Variants in ANKRD33B observed in about 807,000 individuals in gnomAD.
ANKRD33B encodes ankyrin repeat domain 33B.
ANKRD33B carries 6 observed loss-of-function variants against 21.5 expected under a neutral mutation model. That is an observed-to-expected ratio of 0.28 (90% CI 0.15 to 0.55). The LOEUF (loss-of-function observed/expected upper bound fraction) is 0.55. ANKRD33B is among the 20% of genes least tolerant of loss of function. ANKRD33B has a pLI of 0.94. For missense variants in ANKRD33B, 698 were observed against 747.2 expected, an observed-to-expected ratio of 0.93 and a Z score of 0.77; for synonymous variants, 347 against 342.4, an observed-to-expected ratio of 1.01 and a Z score of -0.15.
In ANKRD33B at chr5:10,655,269, G is replaced by A. The variant is rs551778273; in HGVS notation, c.*5156G>A. On this transcript the variant is annotated 3_prime_UTR_variant, in exon 4 of 4. Transcript: ENST00000296657. ...GCCCCTGGCATAGGGCCAGACCCTAGGCCTGAAAAGGATGCAAAGCCTGCT... is the reference window on the plus strand; with the variant it reads ...GCCCCTGGCATAGGGCCAGACCCTAAGCCTGAAAAGGATGCAAAGCCTGCT... The A allele has an allele frequency of 6.6e-6, 1 of 152,520 alleles. No individual in the cohort carries two copies. The highest frequency in any genetic ancestry group is 2.1e-4 in the South Asian group (1 of 4,824). The allele number at this position is 152,520 out of a possible 1,614,324, so 9.4% of individuals were successfully genotyped here.
chr5:10,649,742 G>A lies in ANKRD33B; in HGVS notation c.1114G>A (p.Gly372Arg), dbSNP rs114562258. 3.9e-3 allele frequency: 5,777 copies of A among 1,464,236 alleles called. 187 individuals carry two copies. In the African/African-American group the frequency reaches 0.071, roughly 18 times the overall value. 90.7% of individuals were successfully genotyped at this position (1,464,236 alleles called of 1,614,324 possible). Residue 372 changes from glycine to arginine, a missense_variant, in exon 4 of 4, where the codon GGA becomes AGA. Physicochemically the swap from Gly to Arg is moderately radical, Grantham distance 125. Coordinates refer to ENST00000296657, the MANE Select transcript of ANKRD33B (RefSeq NM_001164440.2). Reference protein sequence around the residue: ...VGGAGQRGRTGQEDADSREGS... With the variant: ...VGGAGQRGRTRQEDADSREGS... ...GGGCGCGGGGCAGCGCGGGCGGACC[G>A]GACAGGAGGACGCGGACTCCCGGGA...
At chr5:10,627,346 C>CT (rs1181024663) in intron 2 of ANKRD33B, 1 of 152,240 alleles carries the variant, frequency 6.6e-6, no homozygotes, top group African/African-American at 2.4e-5. Flanking sequence ...CGCCAGGGGT[C>CT]TCTTTGAGCT....
intron 2 of ANKRD33B, among the ~76,000 whole-genome samples, chr5:10,621,987 C>T (rs148246342): frequency 1.3e-5 from 2 of 152,324 alleles, no homozygotes; most frequent in East Asian, 3.9e-4. Context: ...TGTAAGGACA[C>T]AGTGAGAAGA....
rs1294617086 is a variant in ANKRD33B at position 10,619,800 on chromosome 5, G to A, written c.496+1338G>A. On this transcript the variant is annotated intron_variant, in intron 2 of 3. Coordinates refer to ENST00000296657, the MANE Select transcript of ANKRD33B (RefSeq NM_001164440.2). The surrounding 1 kb of genome is among the most constrained non-coding windows in gnomAD (Gnocchi z 4.5). ...CAGGGACCAAGGATACAGAAGTGCA[G>A]GGCAGCCCCGTCCTTGAGTAATTCT... Among the ~76,000 whole-genome samples, 1 of 152,176 alleles carries A rather than the reference G, an allele frequency of 6.6e-6. No homozygotes were observed. Among genetic ancestry groups the A allele is most frequent in the Non-Finnish European group, 1.5e-5 (1 of 68,032 alleles).
rs992103832 is a variant in ANKRD33B, at chr5:10,564,264, C to G, written c.-204C>G. 2 of 197,600 alleles carry G rather than the reference C, an allele frequency of 1.0e-5. No homozygotes were observed. Among genetic ancestry groups the G allele is most frequent in the African/African-American group, 4.7e-5 (2 of 42,226 alleles). 12.2% of individuals were successfully genotyped at this position (197,600 alleles called of 1,614,324 possible). On this transcript the variant is annotated 5_prime_UTR_variant, in exon 1 of 4. Transcript: ENST00000296657. The stretch of plus-strand genomic sequence containing the variant: ...CCCGCCTCGGAAAGCCCCCGCGGTC[C>G]CGCCCACCCCAGGGGCTCGCTCAGC...
intron 3 of ANKRD33B, among the ~76,000 whole-genome samples, chr5:10,643,755 G>A (rs1212623253): frequency 1.3e-5 from 2 of 151,160 alleles, no homozygotes; most frequent in African/African-American, 2.4e-5. Flanking sequence ...AGGAGGCGGA[G>A]GTTGCAGTGA....
chr5:10,639,257 C>T (rs13186647), intron 3 of ANKRD33B, among the ~76,000 whole-genome samples: 1 of 7,360 alleles, frequency 1.4e-4, no homozygotes, highest in Non-Finnish European at 2.9e-4. Flanking sequence ...CGATGTTAGG[C>T]GGTGACGTGG....
intron 1 of ANKRD33B, among the ~76,000 whole-genome samples, chr5:10,569,963 G>A (rs973861597): frequency 1.3e-5 from 2 of 152,172 alleles, no homozygotes; most frequent in Non-Finnish European, 2.9e-5. Context: ...TGCAACCTCC[G>A]TCTCCCAGGT....
intron 1 of ANKRD33B, among the ~76,000 whole-genome samples, chr5:10,565,937 C>T (rs1735043358): frequency 6.6e-6 from 1 of 152,180 alleles, no homozygotes; most frequent in Non-Finnish European, 1.5e-5. Context: ...GACCTTGTGC[C>T]TTTGGTTTAT....
At chr5:10,618,642 T>C (rs766571513) in intron 2 of ANKRD33B, among the ~76,000 whole-genome samples, 180 bp downstream of exon 2, 12 of 152,224 alleles carry the variant, frequency 7.9e-5, no homozygotes, top group Non-Finnish European at 1.5e-4. Flanking sequence ...ACCCACTTGT[T>C]CAGAATTCAG....
At chr5:10,582,820 T>C (rs1328302785) in intron 1 of ANKRD33B, among the ~76,000 whole-genome samples, 34 of 152,166 alleles carry the variant, frequency 2.2e-4, no homozygotes, top group Non-Finnish European at 2.9e-5. Context: ...CTCATCGCAG[T>C]TCGCAACTTG....
At chr5:10,593,680 G>T (rs780034116) in intron 1 of ANKRD33B, among the ~76,000 whole-genome samples, 4 of 151,648 alleles carry the variant, frequency 2.6e-5, no homozygotes, top group Non-Finnish European at 5.9e-5. Context: ...CTCCTCCCGG[G>T]CAGGGGGGCT....
chr5:10,567,903 C>G (rs968482094), intron 1 of ANKRD33B, among the ~76,000 whole-genome samples: 81 of 152,258 alleles, frequency 5.3e-4, no homozygotes, highest in African/African-American at 1.9e-3. Flanking sequence ...GACAGAATGA[C>G]AGCTCACAGA....
In ANKRD33B at chr5:10,583,332, G is replaced by A. The variant is rs916811991; in HGVS notation, c.366+18499G>A. ...GCTTTTTGAACATGATTCAAGTATC[G>A]TGCCCTGTTGCCAGTTACATATACT... On this transcript the variant is annotated intron_variant, in intron 1 of 3. Coordinates refer to ENST00000296657, the MANE Select transcript of ANKRD33B (RefSeq NM_001164440.2). Among the ~76,000 whole-genome samples, 6 of 152,146 alleles carry A rather than the reference G, an allele frequency of 3.9e-5. No homozygotes were observed. The East Asian group carries it at 5.8e-4, about 15-fold the overall frequency.
rs540376214 is a variant in ANKRD33B at position 10,653,726 on chromosome 5, C to A, written c.*3613C>A. The A allele has an allele frequency of 2.0e-5, 3 of 152,402 alleles. No homozygotes were observed. The highest frequency in any genetic ancestry group is 6.5e-5 in the Admixed American group (1 of 15,282). 9.4% of individuals were successfully genotyped at this position (152,402 alleles called of 1,614,324 possible). ...GGGAGGTGCAGGCTTCTTGTCCCAT[C>A]CCCACTCAGTATCATCGGGTATCTG... On this transcript the variant is annotated 3_prime_UTR_variant, in exon 4 of 4. Transcript: ENST00000296657.
Position 10,649,825 on chromosome 5 carries a change from C to T in ANKRD33B, c.1197C>T (p.Pro399=), listed in dbSNP as rs1343097178. 11 of 1,388,346 alleles carry T rather than the reference C, an allele frequency of 7.9e-6. No homozygotes were observed. The East Asian group carries it at 9.5e-5, about 12-fold the overall frequency. 86.0% of individuals were successfully genotyped at this position (1,388,346 alleles called of 1,614,324 possible). A position where few individuals can be genotyped will look rare whatever the true frequency, so the allele number is the denominator to read the frequency against. ...TGGGGTCCCGGGGCCCCGCAGCGCCCGCCCCGCGGAAGGCCAGCCTCCTGC... is the reference window on the plus strand; with the variant it reads ...TGGGGTCCCGGGGCCCCGCAGCGCCTGCCCCGCGGAAGGCCAGCCTCCTGC... ...PALGSRGPAA[P]APRKASLLPL... The change falls in exon 4 of 4, where the codon CCC becomes CCT. Residue 399 remains proline (P), a synonymous_variant. Transcript: ENST00000296657.
intron 1 of ANKRD33B, among the ~76,000 whole-genome samples, chr5:10,566,747 G>C (rs1433161652): frequency 6.6e-6 from 1 of 152,228 alleles, no homozygotes; most frequent in Non-Finnish European, 1.5e-5. Context: ...GGAGGGCCGT[G>C]GTATGGGAGG....
In ANKRD33B at chr5:10,650,873, T is replaced by G. The variant is rs1170336473; in HGVS notation, c.*760T>G. On this transcript the variant is annotated 3_prime_UTR_variant, in exon 4 of 4. Transcript: ENST00000296657. The stretch of plus-strand genomic sequence containing the variant: ...ATTTATTGCTAGAATTAAACTCATT[T>G]TAAGCAAGGGGTTTTAGGTAAACTG... 6.6e-6 allele frequency: 1 copy of G among 152,392 alleles called. No individual in the cohort carries two copies. The highest frequency in any genetic ancestry group is 2.4e-5 in the African/African-American group (1 of 41,474). 9.4% of individuals were successfully genotyped at this position (152,392 alleles called of 1,614,324 possible).
At chr5:10,588,349 G>T (rs1051542348) in intron 1 of ANKRD33B, among the ~76,000 whole-genome samples, 1 of 152,124 alleles carries the variant, frequency 6.6e-6, no homozygotes, top group African/African-American at 2.4e-5. Flanking sequence ...TACTCTTTCT[G>T]GATATGTTCG....
Sources: gnomAD v4.1 joint callset for allele counts (sites outside exome capture counted in the v4.1 genomes callset) on GRCh38, gnomAD v4.1.1 for gene constraint, Gnocchi (gnomAD v3.1) non-coding constraint, MANE v1.5 for transcripts, NCBI Gene and HGNC (gene_info 2026-07-23, HGNC 2026-07-21) for gene names.